Variants in AGBL4 observed in about 807,000 individuals in gnomAD.
The protein encoded by AGBL4 is AGBL carboxypeptidase 4.
In AGBL4, 58 loss-of-function variants were observed where a neutral mutation model predicts 66.4. The ratio of observed to expected loss-of-function variants is 0.87; its 90% CI spans 0.71 to 1.09. The LOEUF is 1.09. Among genes scored for constraint, AGBL4 ranks in the 50% least tolerant of loss-of-function variants. The probability of loss-of-function intolerance (pLI) is 0.00; values close to 1 mark genes in which losing one functional copy is unlikely to be tolerated. For synonymous variants in AGBL4, 234 were observed against 222.9 expected (o/e 1.05, Z -0.44); for missense variants, 579 against 631.0 (o/e 0.92, Z 0.88).
intron 11 of AGBL4, among the ~76,000 whole-genome samples, chr1:48,550,852 C>G (rs578078891): frequency 7.9e-5 from 12 of 152,196 alleles, no homozygotes; most frequent in Non-Finnish European, 1.5e-4. Flanking sequence ...TGTCTAATTT[C>G]AGAGTGCTTT....
At chr1:48,711,626 G>A (rs1646968703) in intron 6 of AGBL4, among the ~76,000 whole-genome samples, 1 of 152,074 alleles carries the variant, frequency 6.6e-6, no homozygotes, top group South Asian at 2.1e-4. Context: ...TTGCCTGCCT[G>A]GGTCGAGTAT....
intron 3 of AGBL4, among the ~76,000 whole-genome samples, chr1:49,510,328 G>A (rs1649101002): frequency 2.0e-5 from 3 of 151,124 alleles, no homozygotes; most frequent in African/African-American, 7.3e-5. Flanking sequence ...TTTCTCTGAT[G>A]GCCAGTGATG....
At chr1:48,777,131 G>A (rs1645141809) in intron 6 of AGBL4, among the ~76,000 whole-genome samples, 1 of 152,110 alleles carries the variant, frequency 6.6e-6, no homozygotes, top group Admixed American at 6.5e-5. Context: ...CAGCCGGAGC[G>A]CGATTCGAAT....
chr1:48,541,192 CCTT>C (rs1423723444), intron 11 of AGBL4, among the ~76,000 whole-genome samples: 16 of 152,220 alleles, frequency 1.1e-4, no homozygotes, highest in African/African-American at 3.6e-4. Context: ...AGGACCCACT[CCTT>C]CTCAGCTTCA....
intron 3 of AGBL4, among the ~76,000 whole-genome samples, chr1:49,606,482 G>A (rs1161951523): frequency 2.0e-5 from 3 of 152,014 alleles, no homozygotes; most frequent in Non-Finnish European, 2.9e-5. Context: ...TCCTATTTAC[G>A]TTAGTGCTTA....
intron 2 of AGBL4, among the ~76,000 whole-genome samples, chr1:49,772,377 A>G (rs1394484604): frequency 6.6e-6 from 1 of 152,040 alleles, no homozygotes; most frequent in Non-Finnish European, 1.5e-5. Flanking sequence ...GTAGCTTTAA[A>G]CCTTCATTAG....
intron 3 of AGBL4, among the ~76,000 whole-genome samples, chr1:49,609,967 C>T (rs1645125381): frequency 6.6e-6 from 1 of 151,982 alleles, no homozygotes. Flanking sequence ...ATCTATGACC[C>T]ATTGGCCTAA....
intron 3 of AGBL4, among the ~76,000 whole-genome samples, chr1:49,251,873 C>T (rs1652096526): frequency 6.6e-6 from 1 of 152,126 alleles, no homozygotes; most frequent in African/African-American, 2.4e-5. Context: ...CCACCTTATA[C>T]CACAAACCCT....
intron 11 of AGBL4, among the ~76,000 whole-genome samples, chr1:48,561,333 G>A (rs1019077518): frequency 2.1e-4 from 32 of 150,370 alleles, no homozygotes; most frequent in Admixed American, 4.7e-4. Flanking sequence ...GAATAGATTG[G>A]ATTAGATTAA....
At chr1:48,584,014 G>A (rs1644779471) in intron 11 of AGBL4, 3 of 152,106 alleles carry the variant, frequency 2.0e-5, no homozygotes, top group Admixed American at 2.0e-4. Context: ...GACCTGCTCA[G>A]CTTGTGCATA....
chr1:49,358,181 C>G (rs1211761613), intron 3 of AGBL4, among the ~76,000 whole-genome samples: 1 of 152,058 alleles, frequency 6.6e-6, no homozygotes, highest in African/African-American at 2.4e-5. Context: ...CATTAAGGCC[C>G]CACCTGGGTT....
At chr1:48,548,293 T>G (rs1422642585) in intron 11 of AGBL4, among the ~76,000 whole-genome samples, 2 of 151,198 alleles carry the variant, frequency 1.3e-5, no homozygotes, top group Non-Finnish European at 2.9e-5. Context: ...CTTGAGAAGG[T>G]GGGTGGGAAT....
chr1:49,152,238 A>G (rs1475103436), intron 4 of AGBL4, among the ~76,000 whole-genome samples: 1 of 152,280 alleles, frequency 6.6e-6, no homozygotes, highest in African/African-American at 2.4e-5. Context: ...ACTGAGCCAC[A>G]CAAACCCTCC....
At chr1:49,712,896 A>G (rs1393067246) in intron 2 of AGBL4, among the ~76,000 whole-genome samples, 2 of 151,916 alleles carry the variant, frequency 1.3e-5, no homozygotes, top group African/African-American at 4.8e-5. Flanking sequence ...TTAGGGTTGA[A>G]TTAAACAACT....
At chr1:48,789,102 G>C (rs953618500) in intron 6 of AGBL4, among the ~76,000 whole-genome samples, 6 of 151,906 alleles carry the variant, frequency 3.9e-5, no homozygotes, top group Admixed American at 1.3e-4. Context: ...AGAGAGGGAG[G>C]GTGAAGGTCC....
At chr1:48,933,039 G>A (rs1016202759) in intron 5 of AGBL4, among the ~76,000 whole-genome samples, 4 of 151,810 alleles carry the variant, frequency 2.6e-5, no homozygotes, top group African/African-American at 7.2e-5. Flanking sequence ...GATTATATGT[G>A]GTTTGCTTTA....
chr1:49,024,964 G>A (rs1261484954), intron 5 of AGBL4, among the ~76,000 whole-genome samples: 1 of 152,058 alleles, frequency 6.6e-6, no homozygotes, highest in African/African-American at 2.4e-5. Flanking sequence ...TAACTAATAG[G>A]GGGTTTCTCT....
rs539314517 is a variant in AGBL4, at chr1:49,365,375, C to T, written c.283-119511G>A. Among the ~76,000 whole-genome samples the T allele has an allele frequency of 7.2e-4, 109 of 152,030 alleles. 1 individual carries two copies. Among genetic ancestry groups the T allele is most frequent in the Admixed American group, 2.4e-3 (37 of 15,274 alleles). ...ATAATGATAAGAACAACAATAACAA[C>T]ATATACCACTTAGTGTTATTTTATG... On this transcript the variant is annotated intron_variant, in intron 3 of 13. Coordinates refer to ENST00000371839, the MANE Select transcript of AGBL4 (RefSeq NM_032785.4).
In AGBL4 at chr1:49,045,649, A is replaced by G; in HGVS notation, c.529T>C (p.Tyr177His). 1 of 1,596,424 alleles carries G rather than the reference A, an allele frequency of 6.3e-7. No individual in the cohort carries two copies. The highest frequency in any genetic ancestry group is 8.5e-7 in the Non-Finnish European group (1 of 1,170,608). Residue 177 changes from tyrosine (Y) to histidine (H), a missense_variant, in exon 5 of 14, where the codon TAC (tyrosine) becomes CAC (histidine). Physicochemically the swap from Tyr to His is moderately conservative, Grantham distance 83 (BLOSUM62 2). Transcript: ENST00000371839. ...YPYTYTRFQH[Y>H]LDSLQKRNMD... ...TTTCTCTTTTGCAGGCTGTCAAGGT[A>G]ATGTTGGAAGCGAGTGTATGTATAT...
Sources: allele counts gnomAD v4.1 joint callset (sites outside exome capture counted in the v4.1 genomes callset), GRCh38; gene constraint gnomAD v4.1.1; transcripts MANE v1.5; gene names NCBI Gene and HGNC (gene_info 2026-07-23, HGNC 2026-07-21).